Variants in ARHGAP11B observed in about 807,000 individuals in gnomAD.
ARHGAP11B encodes the protein inactive Rho GTPase-activating protein 11B.
ARHGAP11B carries 14 observed loss-of-function variants against 27.6 expected under a neutral mutation model. The observed-to-expected ratio is 0.51, with a 90% confidence interval of 0.34 to 0.79. The LOEUF (loss-of-function observed/expected upper bound fraction) is 0.79, where lower values mean the gene tolerates loss of function less well. Ranked by LOEUF, ARHGAP11B falls within the 30% of genes least tolerant of loss-of-function variation. ARHGAP11B has a pLI of 0.02. For missense variants in ARHGAP11B, 245 were observed against 320.1 expected (o/e 0.77, Z 1.79); for synonymous variants, 82 against 114.1 (o/e 0.72, Z 1.80).
chr15:30,634,490 G>A (rs1314221720), intron 4 of ARHGAP11B, 67 bp downstream of exon 4: 23 of 1,476,246 alleles, frequency 1.6e-5, no homozygotes, highest in Admixed American at 1.3e-4. Context: ...TATGCTTGTA[G>A]ATATGTACAA....
intron 7 of ARHGAP11B, among the ~76,000 whole-genome samples, chr15:30,643,641 A>T (rs534733155): frequency 1.3e-5 from 2 of 152,156 alleles, no homozygotes; most frequent in South Asian, 4.2e-4. Flanking sequence ...TTTGAAGAGT[A>T]ACTGGTTGGG....
At chr15:30,644,813 C>T in intron 8 of ARHGAP11B, 1 of 987,584 alleles carries the variant, frequency 1.0e-6, no homozygotes, top group Non-Finnish European at 1.6e-6. Flanking sequence ...TTTATTTTGT[C>T]TTGACAATTG....
intron 7 of ARHGAP11B, among the ~76,000 whole-genome samples, chr15:30,639,842 A>G (rs2060304270): frequency 6.6e-6 from 1 of 151,966 alleles, no homozygotes; most frequent in Non-Finnish European, 1.5e-5. Flanking sequence ...ATGAGTGCCT[A>G]TTCTGGGCAC....
chr15:30,643,548 C>A (rs539284366), intron 7 of ARHGAP11B, among the ~76,000 whole-genome samples: 5 of 152,100 alleles, frequency 3.3e-5, no homozygotes, highest in African/African-American at 7.2e-5. Context: ...AAGTGCTGGG[C>A]GTACAGGCGT....
Position 30,638,827 on chromosome 15 carries a change from A to G in ARHGAP11B, c.*78+7A>G. The G allele has an allele frequency of 2.2e-6, 3 of 1,338,948 alleles. No homozygotes were observed. Among genetic ancestry groups the G allele is most frequent in the Non-Finnish European group, 3.0e-6 (3 of 985,578 alleles). The allele number at this position is 1,338,948 out of a possible 1,614,324, so 82.9% of individuals were successfully genotyped here. A position where few individuals can be genotyped will look rare whatever the true frequency, so the allele number is the denominator to read the frequency against. ...CCTCAACAAGAAAGAATTGGTAGGT[A>G]TTTATTATATGCATTTATTTAAATT... On this transcript the variant is annotated splice_region_variant and intron_variant, in intron 7 of 10. Transcript: ENST00000428041.
exon 6 of ARHGAP11B, chr15:30,635,602 A>T: frequency 6.2e-7 from 1 of 1,613,538 alleles, no homozygotes; most frequent in Non-Finnish European, 8.5e-7. Flanking sequence ...CTCCTGGTGA[A>T]TATAAGAGAA....
At chr15:30,628,073 CTTTT>C (rs1489999064) in intron 1 of ARHGAP11B, among the ~76,000 whole-genome samples, 9 of 144,554 alleles carry the variant, frequency 6.2e-5, no homozygotes, top group African/African-American at 2.3e-4. Context: ...CTTTTCTTTT[CTTTT>C]CCTTTTTTTT....
At chr15:30,647,499 C>T (rs56984498) in intron 9 of ARHGAP11B, among the ~76,000 whole-genome samples, 3,215 of 151,998 alleles carry the variant, frequency 0.021, 117 homozygotes, top group African/African-American at 0.074. Context: ...CTATTTTAAT[C>T]TTATTCATAT....
rs894205117 is a variant in ARHGAP11B, at chr15:30,637,082, C to T, written c.*3+1449C>T. 8.6e-5 allele frequency among the ~76,000 whole-genome samples: 13 copies of T among 151,872 alleles called. 1 individual carries two copies. Among genetic ancestry groups the T allele is most frequent in the Non-Finnish European group, 1.6e-4 (11 of 67,948 alleles). On this transcript the variant is annotated intron_variant, in intron 6 of 10. Coordinates refer to ENST00000428041, the Ensembl canonical transcript of ARHGAP11B. Reference sequence around the variant, plus strand: ...CATCTTTATTGCCCTCTTTCCCAGTCCTGTAGTTTCAGTTATCACCAGTCC... The same window carrying T: ...CATCTTTATTGCCCTCTTTCCCAGTTCTGTAGTTTCAGTTATCACCAGTCC...
exon 4 of ARHGAP11B, chr15:30,634,224 G>A (rs774675599): frequency 8.1e-6 from 13 of 1,610,972 alleles, no homozygotes; most frequent in South Asian, 5.5e-5. Flanking sequence ...TTGTGATATT[G>A]CGGGACTTCT....
chr15:30,638,071 T>C (rs1321433187), intron 6 of ARHGAP11B, among the ~76,000 whole-genome samples: 1 of 144,266 alleles, frequency 6.9e-6, no homozygotes, highest in East Asian at 2.1e-4. Flanking sequence ...CTGCTTGCCT[T>C]GGCCTCCCAA....
Position 30,630,687 on chromosome 15 carries a change from G to A in ARHGAP11B, c.130-16G>A. The A allele has an allele frequency of 6.3e-7, 1 of 1,589,074 alleles. No homozygotes were observed. Among genetic ancestry groups the A allele is most frequent in the African/African-American group, 1.4e-5 (1 of 74,036 alleles). On this transcript the variant is annotated splice_polypyrimidine_tract_variant and intron_variant, in intron 1 of 10. Transcript: ENST00000428041. The stretch of plus-strand genomic sequence containing the variant: ...GCCTAATATTTGTGTTAGAGTAACT[G>A]AATTTGTCATTTTAGGGTAAAATAT...
At position 30,629,582 on chromosome 15, in the gene ARHGAP11B, C is replaced by T. The variant is rs2060231706; in HGVS notation, c.130-1121C>T. 2.6e-5 allele frequency among the ~76,000 whole-genome samples: 4 copies of T among 152,000 alleles called. No individual in the cohort carries two copies. The South Asian group carries it at 8.3e-4, about 31-fold the overall frequency. On this transcript the variant is annotated intron_variant, in intron 1 of 10. Coordinates refer to ENST00000428041, the Ensembl canonical transcript of ARHGAP11B. ...AAAATACACCTGTCATTTTTGCCTT[C>T]AGGAGCCTACTCTCTTAAGCCCTTA... is the stretch of plus-strand genomic sequence containing the variant.
chr15:30,638,942 T>A, intron 7 of ARHGAP11B, 132 bp downstream of exon 7: 1 of 499,050 alleles, frequency 2.0e-6, no homozygotes, highest in South Asian at 3.5e-5. Context: ...CAAATATTAT[T>A]TTTAATAGTC....
In ARHGAP11B at chr15:30,644,497, C is replaced by T. The variant is rs2060334341; in HGVS notation, c.*79-142C>T. ...ATTTGTATGTTTTAATCTGAAAAGGCATCGTTCTTATTGTTTTTGGTAACA... is the reference window on the plus strand; with the variant it reads ...ATTTGTATGTTTTAATCTGAAAAGGTATCGTTCTTATTGTTTTTGGTAACA... On this transcript the variant is annotated intron_variant, in intron 7 of 10. Coordinates refer to ENST00000428041, the Ensembl canonical transcript of ARHGAP11B. 6.0e-5 allele frequency: 31 copies of T among 519,368 alleles called. No individual in the cohort carries two copies. In the South Asian group the frequency reaches 8.8e-4, roughly 15 times the overall value. 32.2% of individuals were successfully genotyped at this position (519,368 alleles called of 1,614,324 possible).
At chr15:30,644,653 A>G in exon 8 of ARHGAP11B, 2 of 1,588,778 alleles carry the variant, frequency 1.3e-6, no homozygotes, top group South Asian at 1.1e-5. Flanking sequence ...TGAAACAACC[A>G]CCATCGGTTA....
At chr15:30,635,797 A>T (rs1279385913) in intron 6 of ARHGAP11B, among the ~76,000 whole-genome samples, 164 bp downstream of exon 6, 3 of 143,544 alleles carry the variant, frequency 2.1e-5, no homozygotes, top group Non-Finnish European at 4.6e-5. Flanking sequence ...AGTACAATCT[A>T]ATGTTAAGTG....
chr15:30,628,314 C>T (rs910461980), intron 1 of ARHGAP11B, among the ~76,000 whole-genome samples: 2 of 151,910 alleles, frequency 1.3e-5, no homozygotes, highest in Non-Finnish European at 2.9e-5. Context: ...ATCTCCTGCC[C>T]TCGTGATCCG....
chr15:30,628,207 A>C (rs1306860224), intron 1 of ARHGAP11B, among the ~76,000 whole-genome samples: 1 of 151,506 alleles, frequency 6.6e-6, no homozygotes, highest in Non-Finnish European at 1.5e-5. Context: ...CAGCTTCCCG[A>C]GTAGCTGGAA....
Sources: gnomAD v4.1 joint callset for allele counts (sites outside exome capture counted in the v4.1 genomes callset) on GRCh38, gnomAD v4.1.1 for gene constraint, MANE v1.5 for transcripts, NCBI Gene and HGNC (gene_info 2026-07-23, HGNC 2026-07-21) for gene names.